The following PHYHIP variants were observed in gnomAD, a reference collection of about 807,000 sequenced individuals.
The protein encoded by PHYHIP is phytanoyl-CoA hydroxylase-interacting protein.
Under a neutral mutation model 26.1 loss-of-function variants are expected in PHYHIP, and 7 were observed. That is an observed-to-expected ratio of 0.27 (90% CI 0.15 to 0.50). PHYHIP has a LOEUF of 0.50. Among genes scored for constraint, PHYHIP ranks in the 20% least tolerant of loss-of-function variants. The pLI is 0.98. For synonymous variants in PHYHIP, 206 were observed against 183.4 expected (o/e 1.12, Z -1.00); for missense variants, 232 against 454.7 (o/e 0.51, Z 4.45).
intron 3 of PHYHIP, among the ~76,000 whole-genome samples, chr8:22,225,696 T>G (rs1290595112): frequency 1.4e-5 from 2 of 143,492 alleles, no homozygotes; most frequent in Admixed American, 7.0e-5. Flanking sequence ...TCCCAGCTAC[T>G]CAGGAGGCTG....
chr8:22,228,093 C>G, intron 2 of PHYHIP, 100 bp downstream of exon 2: 1 of 984,670 alleles, frequency 1.0e-6, no homozygotes, highest in Non-Finnish European at 1.6e-6. Context: ...TGGATTTTAA[C>G]CAGCCTCTGA....
At chr8:22,224,508 C>A (rs1360516634) in intron 3 of PHYHIP, among the ~76,000 whole-genome samples, 165 bp from the exon 4 acceptor site, 2 of 152,184 alleles carry the variant, frequency 1.3e-5, no homozygotes, top group Non-Finnish European at 2.9e-5. Flanking sequence ...TGGGAACAGG[C>A]CAGCTGGCCT....
At chr8:22,230,830 T>G (rs77061497) in intron 1 of PHYHIP, among the ~76,000 whole-genome samples, 3,012 of 152,140 alleles carry the variant, frequency 0.02, 100 homozygotes, top group African/African-American at 0.068. Flanking sequence ...GACATGTTCA[T>G]GTCCACAGGC....
At chr8:22,225,640 C>CAAAA (rs57092360) in intron 3 of PHYHIP, among the ~76,000 whole-genome samples, 2,649 of 127,934 alleles carry the variant, frequency 0.021, 138 homozygotes, top group African/African-American at 0.076. Context: ...ACTAAAAATA[C>CAAAA]AAAAAAAAAA....
intron 4 of PHYHIP, among the ~76,000 whole-genome samples, chr8:22,222,324 G>A (rs1055956909): frequency 2.0e-5 from 3 of 151,934 alleles, no homozygotes; most frequent in South Asian, 2.1e-4. Flanking sequence ...ACCTTCCTCC[G>A]TCTGGCTTGG....
chr8:22,220,983 G>A lies in PHYHIP; in HGVS notation c.*370C>T. 4.6e-6 allele frequency: 1 copy of A among 217,042 alleles called. No individual in the cohort carries two copies. The highest frequency in any genetic ancestry group is 9.3e-6 in the Non-Finnish European group (1 of 107,886). The allele number at this position is 217,042 out of a possible 1,614,324, so 13.4% of individuals were successfully genotyped here. A position where few individuals can be genotyped will look rare whatever the true frequency, so the allele number is the denominator to read the frequency against. ...CTGGAGGCAGCCAAGCTACCCATGG[G>A]CTTTGGCCCAGAGGGGCTTCCCTGG... On this transcript the variant is annotated 3_prime_UTR_variant, in exon 5 of 5. Transcript: ENST00000454243.
intron 1 of PHYHIP, among the ~76,000 whole-genome samples, chr8:22,230,589 C>G (rs1041542213): frequency 6.6e-6 from 1 of 152,116 alleles, no homozygotes; most frequent in Non-Finnish European, 1.5e-5. Context: ...AACACCCACA[C>G]TCCTGTGTGG....
At chr8:22,229,222 GA>G (rs1829819819) in intron 1 of PHYHIP, among the ~76,000 whole-genome samples, 1 of 152,166 alleles carries the variant, frequency 6.6e-6, no homozygotes, top group South Asian at 2.1e-4. Context: ...AGGCCACGCA[GA>G]GAGCAAATGA....
intron 4 of PHYHIP, 87 bp downstream of exon 4, chr8:22,224,139 G>A: frequency 2.5e-6 from 2 of 801,230 alleles, no homozygotes; most frequent in South Asian, 1.4e-5. Flanking sequence ...CGAGGGTGGG[G>A]GTGACCTCAG....
chr8:22,221,242 A>G lies in PHYHIP; in HGVS notation c.*111T>C. 4.8e-6 allele frequency: 5 copies of G among 1,044,232 alleles called. No homozygotes were observed. The South Asian group carries it at 6.8e-5, about 14-fold the overall frequency. 64.7% of individuals were successfully genotyped at this position (1,044,232 alleles called of 1,614,324 possible). A position where few individuals can be genotyped will look rare whatever the true frequency, so the allele number is the denominator to read the frequency against. On this transcript the variant is annotated 3_prime_UTR_variant, in exon 5 of 5. Coordinates refer to ENST00000454243, the MANE Select transcript of PHYHIP (RefSeq NM_014759.5). The surrounding 1 kb of genome is among the most constrained non-coding windows in gnomAD (Gnocchi z 7.9). ...AGGGGCGAGGGGAGGGCAGCTGGGC[A>G]GAGTGGAGGGAGCAGGGGGGCAGGA... is the stretch of plus-strand genomic sequence containing the variant.
chr8:22,227,799 C>G, intron 2 of PHYHIP: 1 of 447,110 alleles, frequency 2.2e-6, no homozygotes. Flanking sequence ...GAGGCTGTGC[C>G]CTGAGCCGGG....
chr8:22,225,681 T>G (rs185367288), intron 3 of PHYHIP, among the ~76,000 whole-genome samples: 316 of 148,270 alleles, frequency 2.1e-3, no homozygotes, highest in Non-Finnish European at 3.5e-3. Flanking sequence ...GGTGGGCGTC[T>G]GTAATCCCAG....
At position 22,228,260 on chromosome 8, in the gene PHYHIP, C is replaced by T. The variant is rs765863499; in HGVS notation, c.98G>A (p.Arg33Lys). The part of the protein sequence containing the change: ...SWAMEDSDLE[R>K]VTHYFIDLNK... Reference sequence around the variant, plus strand: ...AAGGTCAATGAAGTAATGGGTGACCCTCTCCAGGTCACTGTCCTCCATGGC... The same window carrying T: ...AAGGTCAATGAAGTAATGGGTGACCTTCTCCAGGTCACTGTCCTCCATGGC... Residue 33 changes from arginine (R) to lysine (K), a missense_variant, in exon 2 of 5, where the codon AGG (arginine) becomes AAG (lysine). Transcript: ENST00000454243. 3.7e-6 allele frequency: 6 copies of T among 1,611,198 alleles called. No individual in the cohort carries two copies. In the Admixed American group the frequency reaches 6.7e-5, roughly 18 times the overall value.
Position 22,224,261 on chromosome 8 carries a change from G to A in PHYHIP, c.423C>T (p.Tyr141=). Residue 141 remains tyrosine, a synonymous_variant, in exon 4 of 5, where the codon TAC becomes TAT. Transcript: ENST00000454243. ...GGAAGTACTCCTTGTGATGGTTGCGGTAGAAGACGGAGAAGCGGAGCATGC... is the reference window on the plus strand; with the variant it reads ...GGAAGTACTCCTTGTGATGGTTGCGATAGAAGACGGAGAAGCGGAGCATGC... The part of the protein sequence containing the change: ...AGRMLRFSVF[Y]RNHHKEYFQH... 1 of 1,611,890 alleles carries A rather than the reference G, an allele frequency of 6.2e-7. No individual in the cohort carries two copies. The highest frequency in any genetic ancestry group is 8.5e-7 in the Non-Finnish European group (1 of 1,178,304).
intron 2 of PHYHIP, 84 bp downstream of exon 2, chr8:22,228,109 A>C: frequency 8.6e-7 from 1 of 1,157,610 alleles, no homozygotes; most frequent in East Asian, 2.4e-5. Flanking sequence ...TCTGACTCCA[A>C]GCCATCACTT....
chr8:22,228,095 A>G, intron 2 of PHYHIP, 98 bp downstream of exon 2: 1 of 991,302 alleles, frequency 1.0e-6, no homozygotes, highest in East Asian at 2.4e-5. Flanking sequence ...GATTTTAACC[A>G]GCCTCTGACT....
chr8:22,221,310 C>T lies in PHYHIP; in HGVS notation c.*43G>A. ...CTGAACCTGGGCTACCCACCTCCACCTTCCGCTCATCTCTCCCTCGCCCCC... is the reference window on the plus strand; with the variant it reads ...CTGAACCTGGGCTACCCACCTCCACTTTCCGCTCATCTCTCCCTCGCCCCC... On this transcript the variant is annotated 3_prime_UTR_variant, in exon 5 of 5. Transcript: ENST00000454243. The surrounding 1 kb of genome is among the most constrained non-coding windows in gnomAD (Gnocchi z 7.9). 6.6e-7 allele frequency: 1 copy of T among 1,518,008 alleles called. No homozygotes were observed. Among genetic ancestry groups the T allele is most frequent in the East Asian group, 2.3e-5 (1 of 43,978 alleles). 94.0% of individuals were successfully genotyped at this position (1,518,008 alleles called of 1,614,324 possible).
Position 22,228,263 on chromosome 8 carries a change from T to A in PHYHIP, c.95A>T (p.Glu32Val). The A allele has an allele frequency of 6.2e-7, 1 of 1,611,372 alleles. No homozygotes were observed. The highest frequency in any genetic ancestry group is 8.5e-7 in the Non-Finnish European group (1 of 1,177,866). The change falls in exon 2 of 5, where the codon GAG becomes GTG. Residue 32 changes from glutamate to valine, a missense_variant. Coordinates refer to ENST00000454243, the MANE Select transcript of PHYHIP (RefSeq NM_014759.5). ...ISWAMEDSDL[E>V]RVTHYFIDLN... ...GTCAATGAAGTAATGGGTGACCCTC[T>A]CCAGGTCACTGTCCTCCATGGCCCA...
intron 3 of PHYHIP, 147 bp downstream of exon 3, chr8:22,226,704 G>A (rs1563300630): frequency 1.5e-5 from 10 of 653,006 alleles, no homozygotes; most frequent in Admixed American, 7.2e-5. Flanking sequence ...TGTCATGCCC[G>A]TGCATCTCCC....
Sources: gnomAD v4.1 joint callset for allele counts (sites outside exome capture counted in the v4.1 genomes callset) on GRCh38, gnomAD v4.1.1 for gene constraint, Gnocchi (gnomAD v3.1) non-coding constraint, MANE v1.5 for transcripts, NCBI Gene and HGNC (gene_info 2026-07-23, HGNC 2026-07-21) for gene names.